Variants in SLIT1 observed in about 807,000 individuals in gnomAD.
SLIT1 encodes the protein slit homolog 1 protein.
A neutral mutation model predicts 186.1 loss-of-function variants in SLIT1; 66 were observed. The ratio of observed to expected loss-of-function variants is 0.35; its 90% CI spans 0.29 to 0.44. SLIT1 has a LOEUF of 0.44. Among genes scored for constraint, SLIT1 ranks in the 20% least tolerant of loss-of-function variants. The pLI, the probability that SLIT1 is intolerant of heterozygous loss-of-function variation, is 1.00. For synonymous variants in SLIT1, 761 were observed against 833.8 expected (o/e 0.91, Z 1.50); for missense variants, 1,638 against 2,037.4 (o/e 0.80, Z 3.77).
At chr10:97,031,123 G>A (rs1017416573) in intron 24 of SLIT1, among the ~76,000 whole-genome samples, 2 of 152,186 alleles carry the variant, frequency 1.3e-5, no homozygotes. Flanking sequence ...TAAGGGGGGA[G>A]GCGCTTCTTC....
chr10:97,115,084 A>G (rs965417384), intron 4 of SLIT1, among the ~76,000 whole-genome samples: 1 of 152,228 alleles, frequency 6.6e-6, no homozygotes, highest in African/African-American at 2.4e-5. Flanking sequence ...AGAGCACAAA[A>G]GGGTCTTTCC....
At chr10:97,017,500 G>T (rs573172013) in intron 28 of SLIT1, among the ~76,000 whole-genome samples, 3 of 152,364 alleles carry the variant, frequency 2.0e-5, no homozygotes, top group Non-Finnish European at 4.4e-5. Context: ...GTGGGAGGGC[G>T]CTTGCGTTGT....
At chr10:97,052,373 T>C (rs1221335894) in intron 13 of SLIT1, among the ~76,000 whole-genome samples, 1 of 152,174 alleles carries the variant, frequency 6.6e-6, no homozygotes, top group Non-Finnish European at 1.5e-5. Context: ...GCACTGGGAT[T>C]ACAGGTGTGA....
intron 4 of SLIT1, among the ~76,000 whole-genome samples, chr10:97,077,175 G>A (rs1462373830): frequency 2.0e-5 from 3 of 152,178 alleles, no homozygotes; most frequent in Non-Finnish European, 2.9e-5. Context: ...GCTAAGGCAG[G>A]AGGATTGTTT....
In SLIT1 at chr10:97,063,582, G is replaced by C; in HGVS notation, c.666C>G (p.His222Gln). 1 of 1,612,910 alleles carries C rather than the reference G, an allele frequency of 6.2e-7. No individual in the cohort carries two copies. The highest frequency in any genetic ancestry group is 2.2e-5 in the East Asian group (1 of 44,868). Reference protein sequence around the residue: ...LHSNHLFCDCHLAWLSQWLRQ... With the variant: ...LHSNHLFCDCQLAWLSQWLRQ... ...TCAGCCACTGCGAGAGCCAGGCCAG[G>C]TGGCAGTCGCAAAACAGGTGGTTGG... The change falls in exon 8 of 37, where the codon CAC becomes CAG. Residue 222 changes from histidine (H) to glutamine (Q), a missense_variant. Around this residue, in one of 3 missense-constraint regions of SLIT1, gnomAD observed 1,245 missense variants for 1,535.3 expected, o/e 0.81. Transcript: ENST00000266058.
chr10:97,096,137 C>T (rs1199896137), intron 4 of SLIT1, among the ~76,000 whole-genome samples: 1 of 152,212 alleles, frequency 6.6e-6, no homozygotes, highest in Non-Finnish European at 1.5e-5. Context: ...TGATTTCAGG[C>T]ACCGTTAGAA....
chr10:97,016,630 A>G (rs1004184458), intron 28 of SLIT1, among the ~76,000 whole-genome samples: 1 of 152,224 alleles, frequency 6.6e-6, no homozygotes, highest in African/African-American at 2.4e-5. Flanking sequence ...CTAGTCTCCA[A>G]CTACTTGTCT....
At position 97,047,712 on chromosome 10, in the gene SLIT1, T is replaced by A. The variant is rs774498845; in HGVS notation, c.1612A>T (p.Ile538Phe). 3.7e-6 allele frequency: 6 copies of A among 1,613,734 alleles called. No individual in the cohort carries two copies. The East Asian group carries it at 1.3e-4, about 36-fold the overall frequency. ...SLKLTKIPER[I>F]PQSTAELRLN... ...CACAGTTCTGCCGTGGACTGGGGGA[T>A]GCGCTCAGGGATCTTGGTGAGCTTC... Residue 538 changes from isoleucine (I) to phenylalanine (F), a missense_variant, in exon 16 of 37, where the codon ATC becomes TTC. Transcript: ENST00000266058.
intron 4 of SLIT1, among the ~76,000 whole-genome samples, chr10:97,139,649 C>T (rs1332302871): frequency 6.6e-6 from 1 of 152,210 alleles, no homozygotes; most frequent in Non-Finnish European, 1.5e-5. Flanking sequence ...TGCTAAATGG[C>T]TTCCTCCAAA....
At chr10:97,066,110 G>GA in intron 4 of SLIT1, 24 bp from the exon 5 acceptor site, 1 of 1,566,736 alleles carries the variant, frequency 6.4e-7, no homozygotes, top group Non-Finnish European at 8.7e-7. Context: ...GCCAGAGGGA[G>GA]AGAAAACACC....
Position 97,000,903 on chromosome 10 carries a change from GC to G in SLIT1, c.*208del. On this transcript the variant is annotated 3_prime_UTR_variant, in exon 37 of 37. Coordinates refer to ENST00000266058, the MANE Select transcript of SLIT1 (RefSeq NM_003061.3). ...GCACTTCCGGAGAGGGCAGCCCGCA[GC>G]TCAGGCCTCGCCCACCCCCGCTGCC... 1 of 589,326 alleles carries G rather than the reference GC, an allele frequency of 1.7e-6. No homozygotes were observed. The highest frequency in any genetic ancestry group is 3.0e-6 in the Non-Finnish European group (1 of 330,810). 36.5% of individuals were successfully genotyped at this position (589,326 alleles called of 1,614,324 possible).
intron 25 of SLIT1, among the ~76,000 whole-genome samples, chr10:97,026,939 T>C (rs1830952782): frequency 6.6e-6 from 1 of 152,220 alleles, no homozygotes; most frequent in Non-Finnish European, 1.5e-5. Context: ...TGCAAGTTGA[T>C]GGCAGAACAA....
chr10:97,100,550 C>T (rs373966000), intron 4 of SLIT1, among the ~76,000 whole-genome samples: 1 of 151,896 alleles, frequency 6.6e-6, no homozygotes. Context: ...GCAGGAGAAT[C>T]ACTTTAACCC....
At position 97,010,860 on chromosome 10, in the gene SLIT1, C is replaced by G; in HGVS notation, c.3341+133G>C. The G allele has an allele frequency of 2.4e-6, 2 of 816,774 alleles. No individual in the cohort carries two copies. Among genetic ancestry groups the G allele is most frequent in the Non-Finnish European group, 3.8e-6 (2 of 522,160 alleles). The allele number at this position is 816,774 out of a possible 1,614,324, so 50.6% of individuals were successfully genotyped here. On this transcript the variant is annotated intron_variant, in intron 31 of 36. Coordinates refer to ENST00000266058, the MANE Select transcript of SLIT1 (RefSeq NM_003061.3). This position sits in a 1 kb window ranked among gnomAD's most constrained non-coding sequence, Gnocchi z 4.8. The stretch of plus-strand genomic sequence containing the variant: ...GCACAGCTGGTGACTGGCAGAGCCA[C>G]GGTTAAAACCCCAGCATCCAACTTC...
intron 4 of SLIT1, among the ~76,000 whole-genome samples, chr10:97,120,068 A>G (rs1849547498): frequency 1.3e-5 from 2 of 151,778 alleles, no homozygotes; most frequent in African/African-American, 2.4e-5. Flanking sequence ...ACATTATGAC[A>G]TTTAATCCTT....
At chr10:97,104,816 C>T (rs1849396715) in intron 4 of SLIT1, among the ~76,000 whole-genome samples, 1 of 152,218 alleles carries the variant, frequency 6.6e-6, no homozygotes, top group South Asian at 2.1e-4. Context: ...GAATTCATCC[C>T]TCATGCATCC....
chr10:97,164,851 A>G lies in SLIT1; in HGVS notation c.237T>C (p.Asn79=). The change falls in exon 2 of 37, where the codon AAT becomes AAC. Residue 79 remains asparagine (N), a synonymous_variant. Transcript: ENST00000266058. ...GCAGCTGCTTGAGCCCCGCAAAGTC[A>G]TTCTTATGGATCCGAGTGATGTTGT... ...NGNNITRIHK[N]DFAGLKQLRV... The G allele has an allele frequency of 6.2e-7, 1 of 1,613,708 alleles. No individual in the cohort carries two copies. The highest frequency in any genetic ancestry group is 8.5e-7 in the Non-Finnish European group (1 of 1,179,720).
In SLIT1 at chr10:97,047,729, G is replaced by A. The variant is rs1332674430; in HGVS notation, c.1595C>T (p.Thr532Ile). Residue 532 changes from threonine to isoleucine, a missense_variant, in exon 16 of 37, where the codon ACC becomes ATC. Thr to Ile is a moderately conservative substitution (Grantham distance 89, BLOSUM62 -1). Around this residue, in one of 3 missense-constraint regions of SLIT1, gnomAD observed 1,245 missense variants for 1,535.3 expected, o/e 0.81. Transcript: ENST00000266058. ...NVVECSSLKLTKIPERIPQST... is the reference protein window; with the variant it reads ...NVVECSSLKLIKIPERIPQST... ...CTGGGGGATGCGCTCAGGGATCTTG[G>A]TGAGCTTCAGGCTGGAGCACTCCAC... 1 of 1,613,934 alleles carries A rather than the reference G, an allele frequency of 6.2e-7. No homozygotes were observed. The highest frequency in any genetic ancestry group is 1.3e-5 in the African/African-American group (1 of 74,938).
chr10:97,108,136 C>T (rs540411948), intron 4 of SLIT1, among the ~76,000 whole-genome samples: 32 of 152,308 alleles, frequency 2.1e-4, no homozygotes, highest in Admixed American at 2.0e-3. Context: ...TCCTCCTCCT[C>T]TGTAGGGCTG....
Sources: allele counts gnomAD v4.1 joint callset (sites outside exome capture counted in the v4.1 genomes callset), GRCh38; gene constraint gnomAD v4.1.1; regional missense constraint gnomAD v4.1.1; non-coding constraint Gnocchi (gnomAD v3.1); transcripts MANE v1.5; gene names NCBI Gene and HGNC (gene_info 2026-07-23, HGNC 2026-07-21).